ERC1: variants seen among roughly 807,000 people sequenced by gnomAD.
The protein encoded by ERC1 is RAB6 interacting protein 2.
In ERC1, 56 loss-of-function variants were observed where a neutral mutation model predicts 132.0. That is an observed-to-expected ratio of 0.42 (90% confidence interval 0.34 to 0.53). The LOEUF is 0.53. Among genes scored for constraint, ERC1 ranks in the 20% least tolerant of loss-of-function variants. The probability of loss-of-function intolerance (pLI) is 0.03; values close to 1 mark genes in which losing one functional copy is unlikely to be tolerated. For synonymous variants in ERC1, 478 were observed against 476.1 expected (o/e 1.00, Z -0.05); for missense variants, 1,202 against 1,349.9 (o/e 0.89, Z 1.72).
intron 7 of ERC1, among the ~76,000 whole-genome samples, chr12:1,135,747 C>G (rs1949184994): frequency 6.6e-6 from 1 of 152,166 alleles, no homozygotes; most frequent in African/African-American, 2.4e-5. Context: ...GCAAGGAAGG[C>G]TCTTTCTCAG....
intron 15 of ERC1, among the ~76,000 whole-genome samples, chr12:1,293,143 C>CAA (rs1219991623): frequency 9.5e-5 from 9 of 95,216 alleles, no homozygotes; most frequent in African/African-American, 1.6e-4. Context: ...GACTCCATCT[C>CAA]AAAAAAAAAA....
At chr12:1,420,076 G>A (rs1263855725) in intron 17 of ERC1, among the ~76,000 whole-genome samples, 1 of 152,002 alleles carries the variant, frequency 6.6e-6, no homozygotes, top group Admixed American at 6.6e-5. Context: ...TGCTTTATTA[G>A]CATAATAAAG....
At chr12:1,368,599 G>A (rs2086881645) in intron 15 of ERC1, among the ~76,000 whole-genome samples, 1 of 152,084 alleles carries the variant, frequency 6.6e-6, no homozygotes. Flanking sequence ...AGATGGATTA[G>A]AGGAACAGCA....
intron 13 of ERC1, among the ~76,000 whole-genome samples, chr12:1,243,648 G>C (rs1158608285): frequency 6.6e-6 from 1 of 152,204 alleles, no homozygotes; most frequent in African/African-American, 2.4e-5. Context: ...GTAAGGCTCA[G>C]TTTTGGCGCT....
chr12:1,095,328 G>A (rs756931488), intron 3 of ERC1, among the ~76,000 whole-genome samples: 4 of 150,028 alleles, frequency 2.7e-5, no homozygotes, highest in Middle Eastern at 6.9e-3. Context: ...TATTTGGGAG[G>A]CTGAGGCAGG....
chr12:1,428,852 T>TC (rs2092714513), intron 17 of ERC1, among the ~76,000 whole-genome samples: 1 of 152,220 alleles, frequency 6.6e-6, no homozygotes, highest in Non-Finnish European at 1.5e-5. Context: ...GTGCCTTCCT[T>TC]CTTCTTCCTG....
At chr12:994,403 G>C (rs1960366699) in intron 1 of ERC1, among the ~76,000 whole-genome samples, 1 of 152,092 alleles carries the variant, frequency 6.6e-6, no homozygotes, top group Non-Finnish European at 1.5e-5. Flanking sequence ...ACTAGAGTTT[G>C]GGTTCTGGGG....
intron 15 of ERC1, among the ~76,000 whole-genome samples, chr12:1,310,498 A>T (rs957064856): frequency 3.3e-5 from 5 of 152,126 alleles, no homozygotes; most frequent in African/African-American, 1.2e-4. Flanking sequence ...CAGGAGCCAC[A>T]CCGCGCCTGG....
chr12:1,171,214 T>C (rs1444076150), intron 8 of ERC1, among the ~76,000 whole-genome samples: 1 of 152,194 alleles, frequency 6.6e-6, no homozygotes, highest in Non-Finnish European at 1.5e-5. Flanking sequence ...AGAATACTGA[T>C]ATGAAAACTT....
intron 1 of ERC1, chr12:1,027,429 C>T (rs1967082407): frequency 6.4e-6 from 1 of 156,430 alleles, no homozygotes; most frequent in South Asian, 2.0e-4. Context: ...CCAGGTTGGT[C>T]TTGAACTCCT....
chr12:1,274,428 T>C (rs1279534176), intron 14 of ERC1, among the ~76,000 whole-genome samples: 1 of 152,146 alleles, frequency 6.6e-6, no homozygotes, highest in Non-Finnish European at 1.5e-5. Context: ...CAGGGGACCT[T>C]ATTTAGAGTG....
intron 12 of ERC1, among the ~76,000 whole-genome samples, chr12:1,235,138 C>T (rs564480982): frequency 9.2e-5 from 14 of 152,112 alleles, no homozygotes; most frequent in Non-Finnish European, 1.5e-5. Context: ...AGGCAGAGGC[C>T]AGTGGATTGC....
chr12:1,418,589 CTCTTTCTTTCTTTCTTTCTTTCTT>C (rs71055147), intron 17 of ERC1, among the ~76,000 whole-genome samples: 63 of 107,036 alleles, frequency 5.9e-4, no homozygotes, highest in Middle Eastern at 4.3e-3. Context: ...TTCTTTCTTT[CTCTTTCTTTCTTTCTTTCTTTCTT>C]TCTTTCTTTC....
intron 16 of ERC1, among the ~76,000 whole-genome samples, chr12:1,378,730 C>T (rs2154377389): frequency 6.6e-6 from 1 of 152,258 alleles, no homozygotes; most frequent in South Asian, 2.1e-4. Context: ...TTTCTCTGTC[C>T]TATTTTCTGA....
chr12:1,483,089 G>A (rs1210523024), intron 18 of ERC1, among the ~76,000 whole-genome samples: 3 of 152,150 alleles, frequency 2.0e-5, no homozygotes, highest in Non-Finnish European at 2.9e-5. Flanking sequence ...TTGAGCCCAG[G>A]AGTTCGAGAC....
chr12:1,482,184 C>G (rs1370265092), intron 18 of ERC1, among the ~76,000 whole-genome samples: 1 of 152,102 alleles, frequency 6.6e-6, no homozygotes, highest in Non-Finnish European at 1.5e-5. Context: ...CCATCAAGAT[C>G]CGGCGATTCC....
intron 16 of ERC1, among the ~76,000 whole-genome samples, chr12:1,393,351 G>A (rs942219510): frequency 1.7e-4 from 26 of 152,096 alleles, no homozygotes; most frequent in Non-Finnish European, 7.4e-5. Flanking sequence ...GCAACGTGGG[G>A]AAACCTCATC....
intron 15 of ERC1, among the ~76,000 whole-genome samples, chr12:1,292,172 T>G (rs1438550697): frequency 6.6e-6 from 1 of 152,210 alleles, no homozygotes; most frequent in Non-Finnish European, 1.5e-5. Flanking sequence ...GCATTCAGAA[T>G]AAATTTTACA....
intron 15 of ERC1, among the ~76,000 whole-genome samples, chr12:1,309,070 C>T (rs2081092965): frequency 6.6e-6 from 1 of 152,198 alleles, no homozygotes; most frequent in African/African-American, 2.4e-5. Flanking sequence ...CTGAATCTTA[C>T]AGCACTTTGA....
Sources: allele counts gnomAD v4.1 joint callset (sites outside exome capture counted in the v4.1 genomes callset), GRCh38; gene constraint gnomAD v4.1.1; transcripts MANE v1.5; gene names NCBI Gene and HGNC (gene_info 2026-07-23, HGNC 2026-07-21).